The following SLC49A4 variants were observed in gnomAD, a reference collection of about 807,000 sequenced individuals.
The protein encoded by SLC49A4 is solute carrier family 49 member 4, also known as disrupted in renal cancer protein 2.
SLC49A4 carries 36 observed loss-of-function variants against 50.6 expected under a neutral mutation model. That is an observed-to-expected ratio of 0.71 (90% confidence interval 0.55 to 0.94). The LOEUF (loss-of-function observed/expected upper bound fraction) is 0.94. Ranked by LOEUF, SLC49A4 falls within the 40% of genes least tolerant of loss-of-function variation. The pLI is 0.00. For missense variants in SLC49A4, 503 were observed against 605.7 expected, an observed-to-expected ratio of 0.83 and a Z score of 1.78; for synonymous variants, 248 against 241.2, an observed-to-expected ratio of 1.03 and a Z score of -0.26.
intron 2 of SLC49A4, among the ~76,000 whole-genome samples, chr3:122,812,200 C>T (rs1474567132): frequency 7.2e-5 from 11 of 152,118 alleles, no homozygotes; most frequent in Non-Finnish European, 5.9e-5. Flanking sequence ...AGTGATCCTC[C>T]CATCTCAGCC....
chr3:122,833,545 T>TA, intron 4 of SLC49A4, 99 bp downstream of exon 4: 3 of 1,148,380 alleles, frequency 2.6e-6, no homozygotes, highest in Non-Finnish European at 3.6e-6. Flanking sequence ...TTCAGCAACC[T>TA]ATTAATTAGG....
chr3:122,841,828 T>A (rs931463265), intron 4 of SLC49A4, among the ~76,000 whole-genome samples: 2 of 152,222 alleles, frequency 1.3e-5, no homozygotes, highest in Non-Finnish European at 2.9e-5. Context: ...AGTATATATG[T>A]TGCATATAGG....
At chr3:122,861,352 CT>C (rs1308022713) in intron 7 of SLC49A4, among the ~76,000 whole-genome samples, 5 of 152,170 alleles carry the variant, frequency 3.3e-5, no homozygotes, top group Admixed American at 6.5e-5. Flanking sequence ...AAACCAGAGA[CT>C]CTGTTATTAC....
At chr3:122,819,521 C>A (rs1309061263) in intron 2 of SLC49A4, among the ~76,000 whole-genome samples, 1 of 152,008 alleles carries the variant, frequency 6.6e-6, no homozygotes, top group South Asian at 2.1e-4. Flanking sequence ...GTGCCTTGAC[C>A]ATAGCAGATA....
chr3:122,865,879 A>T (rs1224908763), intron 7 of SLC49A4, among the ~76,000 whole-genome samples: 1 of 152,162 alleles, frequency 6.6e-6, no homozygotes, highest in Non-Finnish European at 1.5e-5. Flanking sequence ...ACTCCTTAAG[A>T]TATAATTCTT....
At chr3:122,864,960 C>T (rs1454930640) in intron 7 of SLC49A4, among the ~76,000 whole-genome samples, 1 of 152,088 alleles carries the variant, frequency 6.6e-6, no homozygotes, top group African/African-American at 2.4e-5. Context: ...CTGTAGTGAG[C>T]CATGACCACT....
intron 6 of SLC49A4, 87 bp downstream of exon 6, chr3:122,856,461 A>T (rs1220915968): frequency 8.1e-7 from 1 of 1,240,272 alleles, no homozygotes; most frequent in Admixed American, 2.0e-5. Context: ...AAACATTACA[A>T]TTCAGGGAAA....
intron 2 of SLC49A4, among the ~76,000 whole-genome samples, chr3:122,820,907 T>C (rs549809921): frequency 9.2e-5 from 14 of 152,322 alleles, no homozygotes; most frequent in African/African-American, 3.1e-4. Context: ...TCTGATATGG[T>C]TTGGCTGTGT....
At chr3:122,841,941 T>TAA (rs74827844) in intron 4 of SLC49A4, among the ~76,000 whole-genome samples, 37 of 151,464 alleles carry the variant, frequency 2.4e-4, no homozygotes, top group Admixed American at 2.1e-3. Flanking sequence ...ACATAATAGG[T>TAA]AAAAAAAATG....
chr3:122,797,794 A>G (rs1936068559), intron 1 of SLC49A4, among the ~76,000 whole-genome samples: 1 of 152,142 alleles, frequency 6.6e-6, no homozygotes, highest in Admixed American at 6.5e-5. Context: ...CAGCCTGGGC[A>G]ACATGGTGAA....
At chr3:122,873,250 A>G (rs890868719) in intron 8 of SLC49A4, among the ~76,000 whole-genome samples, 2 of 151,738 alleles carry the variant, frequency 1.3e-5, no homozygotes, top group Non-Finnish European at 2.9e-5. Context: ...CACGATCTCA[A>G]CTCACTGCAA....
At chr3:122,826,132 C>T (rs368245577) in intron 2 of SLC49A4, among the ~76,000 whole-genome samples, 2 of 152,178 alleles carry the variant, frequency 1.3e-5, no homozygotes, top group Non-Finnish European at 2.9e-5. Context: ...AATGGAACCC[C>T]ACAAAGTTAG....
chr3:122,874,773 G>T (rs1020832259), intron 8 of SLC49A4, among the ~76,000 whole-genome samples: 4 of 152,066 alleles, frequency 2.6e-5, no homozygotes, highest in Non-Finnish European at 5.9e-5. Flanking sequence ...GTGGTTTCCA[G>T]GAAAAAGGTC....
chr3:122,830,683 TTGGA>T (rs1936596877), intron 3 of SLC49A4, among the ~76,000 whole-genome samples: 2 of 152,154 alleles, frequency 1.3e-5, no homozygotes. Context: ...TATAAAACTC[TTGGA>T]AGAAAACTAA....
chr3:122,865,061 C>T (rs905151928), intron 7 of SLC49A4, among the ~76,000 whole-genome samples: 1 of 152,192 alleles, frequency 6.6e-6, no homozygotes, highest in East Asian at 1.9e-4. Context: ...GAGAGTAATC[C>T]TCTTACTATA....
At chr3:122,842,578 C>T (rs541450905) in intron 4 of SLC49A4, among the ~76,000 whole-genome samples, 2 of 145,882 alleles carry the variant, frequency 1.4e-5, no homozygotes, top group African/African-American at 5.0e-5. Flanking sequence ...TTATGACGTA[C>T]TAATAATTTT....
intron 8 of SLC49A4, among the ~76,000 whole-genome samples, 183 bp downstream of exon 8, chr3:122,872,780 C>T (rs1213298351): frequency 1.3e-5 from 2 of 152,048 alleles, no homozygotes; most frequent in Admixed American, 1.3e-4. Context: ...AGCTCAAGTG[C>T]ACCCTCACTC....
intron 2 of SLC49A4, among the ~76,000 whole-genome samples, chr3:122,813,272 CTT>C (rs1936324594): frequency 1.3e-5 from 2 of 149,320 alleles, no homozygotes; most frequent in African/African-American, 4.9e-5. Context: ...GTAAAATTGT[CTT>C]TAGAGTTTTG....
intron 2 of SLC49A4, among the ~76,000 whole-genome samples, chr3:122,826,207 T>G (rs1177756381): frequency 2.0e-5 from 3 of 152,242 alleles, no homozygotes; most frequent in Admixed American, 6.5e-5. Flanking sequence ...CAACTACCTT[T>G]TCTATTAGAA....
Sources: allele counts gnomAD v4.1 joint callset (sites outside exome capture counted in the v4.1 genomes callset), GRCh38; gene constraint gnomAD v4.1.1; transcripts MANE v1.5; gene names NCBI Gene and HGNC (gene_info 2026-07-23, HGNC 2026-07-21).